The following MTMR4 variants were observed in gnomAD, a reference collection of about 807,000 sequenced individuals.
MTMR4 encodes the protein phosphatidylinositol-3,5-bisphosphate 3-phosphatase MTMR4.
Under a neutral mutation model 125.5 loss-of-function variants are expected in MTMR4, and 30 were observed. The observed-to-expected ratio is 0.24, with a 90% CI of 0.18 to 0.32. The LOEUF (loss-of-function observed/expected upper bound fraction) is 0.32. Ranked by LOEUF, MTMR4 falls within the 10% of genes least tolerant of loss-of-function variation. The pLI, the probability that MTMR4 is intolerant of heterozygous loss-of-function variation, is 1.00. For missense variants in MTMR4, 1,039 were observed against 1,511.5 expected, an observed-to-expected ratio of 0.69 and a Z score of 5.18; for synonymous variants, 498 against 564.5, an observed-to-expected ratio of 0.88 and a Z score of 1.67.
intron 9 of MTMR4, among the ~76,000 whole-genome samples, chr17:58,505,934 C>A (rs185603855): frequency 1.2e-3 from 190 of 152,216 alleles, no homozygotes; most frequent in Middle Eastern, 3.4e-3. Context: ...AAAAAAAGCA[C>A]GTCCTGGAAA....
rs1397856418 is a variant in MTMR4, at chr17:58,503,872, C to G, written c.1725G>C (p.Arg575=). The change falls in exon 14 of 18, where the codon CGG becomes CGC. Residue 575 remains arginine (R), a synonymous_variant. Transcript: ENST00000682306. ...AAACAGCTGTCCAGAGGTGCAGGGC[C>G]CGGACATGACAAACAGGATGCAGGA... The part of the protein sequence containing the change: ...DMVLHPVCHV[R]ALHLWTAVYL... 1 of 1,613,966 alleles carries G rather than the reference C, an allele frequency of 6.2e-7. No homozygotes were observed. The highest frequency in any genetic ancestry group is 1.1e-5 in the South Asian group (1 of 91,062).
chr17:58,511,233 T>C, intron 4 of MTMR4, 196 bp downstream of exon 4: 1 of 519,880 alleles, frequency 1.9e-6, no homozygotes, highest in South Asian at 2.8e-5. Context: ...AACTAGGCAT[T>C]ACCCCCATTT....
chr17:58,511,535 G>T, intron 3 of MTMR4, 24 bp from the exon 4 acceptor site: 1 of 1,597,950 alleles, frequency 6.3e-7, no homozygotes, highest in Non-Finnish European at 8.6e-7. Flanking sequence ...GCAAACTGAA[G>T]CTCAGACTCC....
In MTMR4 at chr17:58,495,050, C is replaced by T. The variant is rs1023153181; in HGVS notation, c.3134G>A (p.Gly1045Glu). 2 of 1,614,050 alleles carry T rather than the reference C, an allele frequency of 1.2e-6. No homozygotes were observed. Among genetic ancestry groups the T allele is most frequent in the African/African-American group, 1.3e-5 (1 of 74,904 alleles). ...IQHRLRQIEA[G>E]YKQEVEQLRR... ...TAGCTGCTCCACCTCTTGTTTGTAC[C>T]CTGCTTCGATTTGCCGTAACCTATG... is the stretch of plus-strand genomic sequence containing the variant. The change falls in exon 15 of 18, where the codon GGG becomes GAG. Residue 1045 changes from glycine (G) to glutamate (E), a missense_variant. Physicochemically the swap from Gly to Glu is moderately conservative, Grantham distance 98. Transcript: ENST00000682306.
chr17:58,518,017 C>A (rs2042042940), upstream of MTMR4: 1 of 152,842 alleles, frequency 6.5e-6, no homozygotes, highest in Admixed American at 6.5e-5. Flanking sequence ...TCACTCTCGA[C>A]CCCACTCATT....
At position 58,514,518 on chromosome 17, in the gene MTMR4, C is replaced by T. The variant is rs902241448; in HGVS notation, c.-111G>A. 10 of 985,038 alleles carry T rather than the reference C, an allele frequency of 1.0e-5. No individual in the cohort carries two copies. The African/African-American group carries it at 1.6e-4, about 15-fold the overall frequency. The allele number at this position is 985,038 out of a possible 1,614,324, so 61.0% of individuals were successfully genotyped here. On this transcript the variant is annotated 5_prime_UTR_variant, in exon 1 of 18. Coordinates refer to ENST00000682306, the MANE Select transcript of MTMR4 (RefSeq NM_001378067.1). ...CGGGGCTCGCCAGGTGCAGCCGCGG[C>T]GGCCAAGAGGCTAGGGCGCTGGTGG...
At position 58,495,476 on chromosome 17, in the gene MTMR4, C is replaced by T. The variant is rs770334500; in HGVS notation, c.2708G>A (p.Arg903Gln). Residue 903 changes from arginine (R) to glutamine (Q), a missense_variant, in exon 15 of 18, where the codon CGG (arginine) becomes CAG (glutamine). Transcript: ENST00000682306. ...GATCTGGCTCTGAGAAATTGGCTTC[C>T]GGACCAATTCCAATGGCATTTTCCC... ...RFGKMPLELV[R>Q]KPISQSQISE... is the part of the protein sequence containing the mutation. 29 of 1,614,136 alleles carry T rather than the reference C, an allele frequency of 1.8e-5. No individual in the cohort carries two copies. The East Asian group carries it at 2.4e-4, about 14-fold the overall frequency.
At position 58,492,326 on chromosome 17, in the gene MTMR4, C is replaced by T. The variant is rs867928205; in HGVS notation, c.3452+185G>A. Among the ~76,000 whole-genome samples the T allele has an allele frequency of 5.9e-5, 9 of 152,328 alleles. 1 individual carries two copies. The South Asian group carries it at 1.9e-3, about 32-fold the overall frequency. Reference sequence around the variant, plus strand: ...AGCTGGGATTACAGGCATGCGCCACCACGCCCAGCTAATTTTTGTATTTTT... The same window carrying T: ...AGCTGGGATTACAGGCATGCGCCACTACGCCCAGCTAATTTTTGTATTTTT... On this transcript the variant is annotated intron_variant, in intron 17 of 17. Transcript: ENST00000682306.
intron 10 of MTMR4, 123 bp downstream of exon 10, chr17:58,505,349 A>T: frequency 1.2e-6 from 1 of 807,360 alleles, no homozygotes; most frequent in East Asian, 2.8e-5. Flanking sequence ...ACGGCACCCA[A>T]CTCCACCCAG....
intron 16 of MTMR4, 69 bp from the exon 17 acceptor site, chr17:58,492,668 G>A (rs1975345255): frequency 2.0e-6 from 3 of 1,482,892 alleles, no homozygotes; most frequent in African/African-American, 2.8e-5. Context: ...TTGCAATGAG[G>A]AAAGCACCCC....
rs1325936403 is a variant in MTMR4 at position 58,502,178 on chromosome 17, G to A, written c.1853+1566C>T. On this transcript the variant is annotated intron_variant, in intron 14 of 17. Coordinates refer to ENST00000682306, the MANE Select transcript of MTMR4 (RefSeq NM_001378067.1). ...TACAATTTTTTTTTTTTTTTTTTGA[G>A]ATGGAGTCTCACTCTATTGCCCAGG... Among the ~76,000 whole-genome samples, 9 of 131,492 alleles carry A rather than the reference G, an allele frequency of 6.8e-5. No homozygotes were observed. The Admixed American group carries it at 7.3e-4, about 11-fold the overall frequency. The allele number at this position is 131,492 out of a possible 152,430, so 86.3% of individuals were successfully genotyped here. A position where few individuals can be genotyped will look rare whatever the true frequency, so the allele number is the denominator to read the frequency against.
intron 14 of MTMR4, among the ~76,000 whole-genome samples, chr17:58,503,340 A>G (rs1393854691): frequency 6.6e-6 from 1 of 152,160 alleles, no homozygotes; most frequent in Non-Finnish European, 1.5e-5. Flanking sequence ...TGACTCAAGA[A>G]GTTGCTTTTA....
In MTMR4 at chr17:58,491,650, T is replaced by A; in HGVS notation, c.*13A>T. 1 of 1,610,806 alleles carries A rather than the reference T, an allele frequency of 6.2e-7. No individual in the cohort carries two copies. Among genetic ancestry groups the A allele is most frequent in the Non-Finnish European group, 8.5e-7 (1 of 1,177,480 alleles). On this transcript the variant is annotated 3_prime_UTR_variant, in exon 18 of 18. Transcript: ENST00000682306. Reference sequence around the variant, plus strand: ...TCAAACCTGCTAAAATTGGACAGGTTTCTCCCCGGCATTCAACTGGAAGCT... The same window carrying A: ...TCAAACCTGCTAAAATTGGACAGGTATCTCCCCGGCATTCAACTGGAAGCT...
chr17:58,506,394 G>A (rs1975779672), intron 9 of MTMR4, among the ~76,000 whole-genome samples: 1 of 152,148 alleles, frequency 6.6e-6, no homozygotes, highest in African/African-American at 2.4e-5. Flanking sequence ...TCACCATGTT[G>A]CCCAGGCTGG....
chr17:58,492,691 C>A lies in MTMR4; in HGVS notation c.3364-92G>T. On this transcript the variant is annotated intron_variant, in intron 16 of 17. Transcript: ENST00000682306. Reference sequence around the variant, plus strand: ...AGGAAAGCACCCCAGCAGAAAGAGACAAGGCTTATCTTCATAACTGGCTAC... The same window carrying A: ...AGGAAAGCACCCCAGCAGAAAGAGAAAAGGCTTATCTTCATAACTGGCTAC... 9 of 1,390,530 alleles carry A rather than the reference C, an allele frequency of 6.5e-6. No homozygotes were observed. The South Asian group carries it at 1.0e-4, about 16-fold the overall frequency. 86.1% of individuals were successfully genotyped at this position (1,390,530 alleles called of 1,614,324 possible).
intron 14 of MTMR4, among the ~76,000 whole-genome samples, chr17:58,498,547 AG>A (rs1355183076): frequency 1.0e-4 from 2 of 19,942 alleles, no homozygotes; most frequent in African/African-American, 2.1e-4. Context: ...AGGGGGGAGG[AG>A]GGGGGAGGAG....
chr17:58,505,901 C>G (rs963782817), intron 9 of MTMR4, among the ~76,000 whole-genome samples: 4 of 152,022 alleles, frequency 2.6e-5, no homozygotes, highest in African/African-American at 7.2e-5. Flanking sequence ...AGCGAGACTC[C>G]GTCTCAAAAC....
chr17:58,506,774 G>A lies in MTMR4; in HGVS notation c.1002C>T (p.Asn334=), dbSNP rs1975788665. 6.2e-7 allele frequency: 1 copy of A among 1,614,002 alleles called. No homozygotes were observed. The highest frequency in any genetic ancestry group is 8.5e-7 in the Non-Finnish European group (1 of 1,180,000). The stretch of plus-strand genomic sequence containing the variant: ...ATTCACAGCCTCCACCCTTGGCCCG[G>A]TTGGCCACTGCTGCCGTGTAGGATC... The part of the protein sequence containing the change: ...DARSYTAAVA[N]RAKGGGCECE... The change falls in exon 9 of 18, where the codon AAC becomes AAT. Residue 334 remains asparagine (N), a synonymous_variant. Coordinates refer to ENST00000682306, the MANE Select transcript of MTMR4 (RefSeq NM_001378067.1).
chr17:58,512,281 C>T lies in MTMR4; in HGVS notation c.252+109G>A, dbSNP rs1203376082. The stretch of plus-strand genomic sequence containing the variant: ...GATTACAGGCGTGAGCCACTGCGCC[C>T]GGCCTCCAACTTTTTTAATGACATG... On this transcript the variant is annotated intron_variant, in intron 3 of 17. Transcript: ENST00000682306. This position sits in a 1 kb window ranked among gnomAD's most constrained non-coding sequence, Gnocchi z 4.1. The T allele has an allele frequency of 2.3e-5, 22 of 974,738 alleles. No homozygotes were observed. The highest frequency in any genetic ancestry group is 4.9e-4 in the Middle Eastern group (2 of 4,080). The allele number at this position is 974,738 out of a possible 1,614,324, so 60.4% of individuals were successfully genotyped here. A position where few individuals can be genotyped will look rare whatever the true frequency, so the allele number is the denominator to read the frequency against.
Sources: allele counts gnomAD v4.1 joint callset (sites outside exome capture counted in the v4.1 genomes callset), GRCh38; gene constraint gnomAD v4.1.1; non-coding constraint Gnocchi (gnomAD v3.1); transcripts MANE v1.5; gene names NCBI Gene and HGNC (gene_info 2026-07-23, HGNC 2026-07-21).